Variants in SYNPO2 observed in about 807,000 individuals in gnomAD.
SYNPO2 encodes the protein synaptopodin 2.
Under a neutral mutation model 85.0 loss-of-function variants are expected in SYNPO2, and 56 were observed. The ratio of observed to expected loss-of-function variants is 0.66; its 90% CI spans 0.53 to 0.82. The LOEUF (loss-of-function observed/expected upper bound fraction) is 0.82. Among genes scored for constraint, SYNPO2 ranks in the 40% least tolerant of loss-of-function variants. The probability of loss-of-function intolerance (pLI) is 0.00; values close to 1 mark genes in which losing one functional copy is unlikely to be tolerated. For missense variants in SYNPO2, 1,575 were observed against 1,534.2 expected (o/e 1.03, Z -0.44); for synonymous variants, 602 against 591.1 (o/e 1.02, Z -0.27).
intron 1 of SYNPO2, among the ~76,000 whole-genome samples, chr4:118,920,857 A>G (rs1733507995): frequency 6.6e-6 from 1 of 151,914 alleles, no homozygotes; most frequent in African/African-American, 2.4e-5. Flanking sequence ...TGGCTGGGGA[A>G]GATTGTTATT....
intron 1 of SYNPO2, among the ~76,000 whole-genome samples, chr4:118,889,817 A>G (rs76697345): frequency 0.025 from 3,764 of 152,320 alleles, 159 homozygotes; most frequent in African/African-American, 0.081. Context: ...ACTTTGTAAC[A>G]CATTAATAAC....
chr4:118,921,335 A>G (rs1733525371), intron 1 of SYNPO2, among the ~76,000 whole-genome samples: 1 of 152,154 alleles, frequency 6.6e-6, no homozygotes, highest in Non-Finnish European at 1.5e-5. Context: ...TACTACCATC[A>G]TTATATTCAT....
chr4:118,915,133 C>G (rs116043121), intron 1 of SYNPO2, among the ~76,000 whole-genome samples: 2,354 of 151,888 alleles, frequency 0.015, 29 homozygotes, highest in Non-Finnish European at 0.021. Context: ...CTTTGGATAA[C>G]AGGAATACGA....
intron 4 of SYNPO2, chr4:119,033,838 T>C: frequency 1.0e-6 from 1 of 984,772 alleles, no homozygotes; most frequent in Non-Finnish European, 1.2e-6. Context: ...AATTTCATTG[T>C]TGTTAGCATA....
In SYNPO2 at chr4:118,853,875, G is replaced by T. The variant is rs1731463852; in HGVS notation, c.12+2935G>T. Among the ~76,000 whole-genome samples the T allele has an allele frequency of 5.3e-5, 8 of 152,282 alleles. No individual in the cohort carries two copies. The South Asian group carries it at 1.7e-3, about 32-fold the overall frequency. ...CAGATTAGGTGTACATGGAATATGTGCAGGAAAGAGGCTGGATACCATACT... is the reference window on the plus strand; with the variant it reads ...CAGATTAGGTGTACATGGAATATGTTCAGGAAAGAGGCTGGATACCATACT... On this transcript the variant is annotated intron_variant, in intron 1 of 4. Coordinates refer to the SYNPO2 transcript ENST00000610556.
chr4:118,938,128 C>G (rs1314388277), intron 1 of SYNPO2, among the ~76,000 whole-genome samples: 1 of 152,124 alleles, frequency 6.6e-6, no homozygotes, highest in Non-Finnish European at 1.5e-5. Flanking sequence ...ACGGCGAAAC[C>G]TCATCTCTAC....
chr4:118,921,432 G>C (rs1008563916), intron 1 of SYNPO2, among the ~76,000 whole-genome samples: 2 of 151,942 alleles, frequency 1.3e-5, no homozygotes, highest in African/African-American at 4.8e-5. Context: ...ACATCTATCT[G>C]CCCATGCCAC....
Position 118,865,157 on chromosome 4 carries a change from G to A in SYNPO2, c.12+14217G>A, listed in dbSNP as rs916431404. Among the ~76,000 whole-genome samples the A allele has an allele frequency of 1.4e-4, 22 of 152,190 alleles. 1 individual carries two copies. The highest frequency in any genetic ancestry group is 5.3e-4 in the African/African-American group (22 of 41,442). ...TGCCACAGCTATTGCTGGAGTCTTG[G>A]AGGAGGCTGGAGGAGACTGGTTCTG... On this transcript the variant is annotated intron_variant, in intron 1 of 4. Coordinates refer to the SYNPO2 transcript ENST00000610556.
chr4:118,866,449 C>A (rs1294955830), intron 1 of SYNPO2, among the ~76,000 whole-genome samples: 1 of 152,244 alleles, frequency 6.6e-6, no homozygotes, highest in Non-Finnish European at 1.5e-5. Flanking sequence ...AGTTCTATCT[C>A]TAAGCAAAGC....
chr4:119,035,544 A>G (rs1324863060), intron 4 of SYNPO2: 2 of 985,348 alleles, frequency 2.0e-6, no homozygotes, highest in Non-Finnish European at 2.4e-6. Flanking sequence ...AGAGCATGTC[A>G]AACTTTGTAC....
intron 1 of SYNPO2, among the ~76,000 whole-genome samples, chr4:118,974,884 A>C (rs1366950548): frequency 6.6e-6 from 1 of 152,292 alleles, no homozygotes; most frequent in South Asian, 2.1e-4. Context: ...TTTTTGCAGA[A>C]CTTTAATGGT....
At chr4:118,923,633 G>A (rs1733612283) in intron 1 of SYNPO2, among the ~76,000 whole-genome samples, 1 of 152,098 alleles carries the variant, frequency 6.6e-6, no homozygotes, top group African/African-American at 2.4e-5. Flanking sequence ...TGAACTTTGA[G>A]TTTGCTTCCT....
intron 1 of SYNPO2, among the ~76,000 whole-genome samples, chr4:118,971,152 T>C (rs181870377): frequency 5.0e-4 from 76 of 152,340 alleles, no homozygotes; most frequent in African/African-American, 1.7e-3. Context: ...GATGAATATA[T>C]GTTATATTTG....
chr4:118,900,990 G>A (rs930954659), intron 1 of SYNPO2, among the ~76,000 whole-genome samples: 1 of 151,592 alleles, frequency 6.6e-6, no homozygotes, highest in Admixed American at 6.6e-5. Context: ...GCCATAAGCC[G>A]AGATATTCCA....
chr4:118,919,704 G>A (rs187837586), intron 1 of SYNPO2, among the ~76,000 whole-genome samples: 143 of 152,254 alleles, frequency 9.4e-4, no homozygotes, highest in Non-Finnish European at 4.0e-4. Context: ...TATATAGCTC[G>A]AAATATGAGA....
At chr4:119,032,641 G>A (rs542808465) in intron 4 of SYNPO2, 2 of 987,762 alleles carry the variant, frequency 2.0e-6, no homozygotes, top group East Asian at 2.3e-4. Flanking sequence ...GTAAGAAAGA[G>A]GGTCTTAATT....
chr4:118,987,309 A>G (rs1736254709), intron 1 of SYNPO2, among the ~76,000 whole-genome samples: 1 of 152,206 alleles, frequency 6.6e-6, no homozygotes, highest in South Asian at 2.1e-4. Context: ...CATTCTTTAG[A>G]ATTTCACTTT....
intron 1 of SYNPO2, among the ~76,000 whole-genome samples, chr4:118,908,643 T>C (rs1733023485): frequency 6.6e-6 from 1 of 152,140 alleles, no homozygotes; most frequent in Non-Finnish European, 1.5e-5. Flanking sequence ...TAAAAAAATC[T>C]ATCCTAAAAA....
intron 1 of SYNPO2, among the ~76,000 whole-genome samples, chr4:118,961,045 C>A (rs1248626969): frequency 6.6e-6 from 1 of 150,782 alleles, no homozygotes; most frequent in African/African-American, 2.4e-5. Flanking sequence ...TAATAATATT[C>A]AAATTTCTTA....
Sources: gnomAD v4.1 joint callset for allele counts (sites outside exome capture counted in the v4.1 genomes callset) on GRCh38, gnomAD v4.1.1 for gene constraint, MANE v1.5 for transcripts, NCBI Gene and HGNC (gene_info 2026-07-23, HGNC 2026-07-21) for gene names.